Variants in PRR12 observed in about 807,000 individuals in gnomAD.
PRR12 encodes proline-rich protein 12.
A neutral mutation model predicts 138.0 loss-of-function variants in PRR12; 12 were observed. The observed-to-expected ratio is 0.09, with a 90% confidence interval of 0.06 to 0.14. The LOEUF (loss-of-function observed/expected upper bound fraction) is 0.14. Among genes scored for constraint, PRR12 ranks in the 10% least tolerant of loss-of-function variants. The pLI, the probability that PRR12 is intolerant of heterozygous loss-of-function variation, is 1.00. For synonymous variants in PRR12, 1,567 were observed against 1,291.7 expected (o/e 1.21, Z -4.57); for missense variants, 2,692 against 2,861.3 (o/e 0.94, Z 1.35).
intron 6 of PRR12, among the ~76,000 whole-genome samples, chr19:49,602,134 T>C (rs1051191896): frequency 1.3e-5 from 2 of 152,224 alleles, no homozygotes; most frequent in Non-Finnish European, 2.9e-5. Context: ...ATTACCTGTA[T>C]ATAAGGTAAA....
chr19:49,593,997 C>A (rs954707315), intron 2 of PRR12, among the ~76,000 whole-genome samples: 2 of 152,018 alleles, frequency 1.3e-5, no homozygotes, highest in Admixed American at 1.3e-4. Flanking sequence ...CCCTTTTTCC[C>A]TCCCCATCTT....
chr19:49,598,186 G>A (rs567093493), intron 4 of PRR12, among the ~76,000 whole-genome samples, 173 bp downstream of exon 4: 181 of 151,718 alleles, frequency 1.2e-3, no homozygotes, highest in Non-Finnish European at 8.1e-4. Context: ...CCATTCTCCT[G>A]CCTCAGCCTC....
Position 49,594,798 on chromosome 19 carries a change from G to A in PRR12, c.463G>A (p.Ala155Thr). ...TGCCCTGTCGGCTTACCAACACCCG[G>A]CTTCCTTCGGCAGCCGCCCCTTCCC... ...SSALSAYQHP[A>T]SFGSRPFPVP... Residue 155 changes from alanine to threonine, a missense_variant, in exon 4 of 14, where the codon GCT becomes ACT. By Grantham distance (58) the Ala-to-Thr change is moderately conservative. This residue lies in a region of PRR12 where 211 missense variants were observed against 266.3 expected (regional missense o/e 0.79). Coordinates refer to ENST00000418929, the MANE Select transcript of PRR12 (RefSeq NM_020719.3). This position sits in a 1 kb window ranked among gnomAD's most constrained non-coding sequence, Gnocchi z 5.6. The A allele has an allele frequency of 6.2e-7, 1 of 1,612,878 alleles. No homozygotes were observed. The highest frequency in any genetic ancestry group is 8.5e-7 in the Non-Finnish European group (1 of 1,179,696).
chr19:49,598,142 C>G, intron 4 of PRR12, 129 bp downstream of exon 4: 4 of 1,057,652 alleles, frequency 3.8e-6, no homozygotes, highest in Non-Finnish European at 3.6e-6. Context: ...GGCACGATCT[C>G]GGTTCACTGC....
At chr19:49,602,205 T>C (rs2080816309) in intron 6 of PRR12, among the ~76,000 whole-genome samples, 1 of 152,118 alleles carries the variant, frequency 6.6e-6, no homozygotes, top group South Asian at 2.1e-4. Flanking sequence ...GAACCGCTTG[T>C]TAATGTTTAT....
Position 49,601,858 on chromosome 19 carries a change from G to C in PRR12, c.4713G>C (p.Glu1571Asp). The change falls in exon 6 of 14, where the codon GAG becomes GAC. Residue 1571 changes from glutamate to aspartate, a missense_variant. By Grantham distance (45) the Glu-to-Asp change is conservative (BLOSUM62 2). Transcript: ENST00000418929. Reference protein sequence around the residue: ...TDEEAGESGGEGIFRERDEFV... With the variant: ...TDEEAGESGGDGIFRERDEFV... ...AGGAGGCCGGCGAGAGTGGCGGAGA[G>C]GGCATCTTCCGGGAACGGGACGAGT... The C allele has an allele frequency of 6.2e-7, 1 of 1,612,694 alleles. No homozygotes were observed. The highest frequency in any genetic ancestry group is 1.1e-5 in the South Asian group (1 of 91,014).
At position 49,593,391 on chromosome 19, in the gene PRR12, G is replaced by A; in HGVS notation, c.151G>A (p.Ala51Thr). 6.2e-7 allele frequency: 1 copy of A among 1,610,618 alleles called. No individual in the cohort carries two copies. The highest frequency in any genetic ancestry group is 8.5e-7 in the Non-Finnish European group (1 of 1,178,754). Residue 51 changes from alanine to threonine, a missense_variant, in exon 2 of 14, where the codon GCG becomes ACG. By Grantham distance (58) the Ala-to-Thr change is moderately conservative (BLOSUM62 0). Coordinates refer to ENST00000418929, the MANE Select transcript of PRR12 (RefSeq NM_020719.3). Reference sequence around the variant, plus strand: ...GGACATCTTACACCGCCAGGCCTATGCGGCCCCCCACCCACTGCAAAGCTA... The same window carrying A: ...GGACATCTTACACCGCCAGGCCTATACGGCCCCCCACCCACTGCAAAGCTA... ...ETDILHRQAY[A>T]APHPLQSYAT...
chr19:49,594,233 G>A lies in PRR12; in HGVS notation c.200-221G>A, dbSNP rs1161165554. Among the ~76,000 whole-genome samples, 1 of 152,060 alleles carries A rather than the reference G, an allele frequency of 6.6e-6. No homozygotes were observed. Among genetic ancestry groups the A allele is most frequent in the African/African-American group, 2.4e-5 (1 of 41,394 alleles). Reference sequence around the variant, plus strand: ...ACCTGGGCCCCCTGTCCTTATGACTGGATTGCCCCTTGTCTTGCTTTACTG... The same window carrying A: ...ACCTGGGCCCCCTGTCCTTATGACTAGATTGCCCCTTGTCTTGCTTTACTG... On this transcript the variant is annotated intron_variant, in intron 2 of 13. Transcript: ENST00000418929. The surrounding 1 kb of genome is among the most constrained non-coding windows in gnomAD (Gnocchi z 5.6).
In PRR12 at chr19:49,597,891, G is replaced by A. The variant is rs1171823440; in HGVS notation, c.3556G>A (p.Gly1186Arg). The stretch of plus-strand genomic sequence containing the variant: ...CCCCCTGGAGGTCCCGACCACTGCG[G>A]GGCCCGCCTCGGCCTCCACGCCCAC... ...IRPLEVPTTA[G>R]PASASTPTDG... Residue 1186 changes from glycine to arginine, a missense_variant, in exon 4 of 14, where the codon GGG (glycine) becomes AGG (arginine). Physicochemically the swap from Gly to Arg is moderately radical, Grantham distance 125 (BLOSUM62 -2). This residue lies in a region of PRR12 where 326 missense variants were observed against 344.2 expected (regional missense o/e 0.95). Transcript: ENST00000418929. This position sits in a 1 kb window ranked among gnomAD's most constrained non-coding sequence, Gnocchi z 6.3. 1 of 1,427,894 alleles carries A rather than the reference G, an allele frequency of 7.0e-7. No homozygotes were observed. Among genetic ancestry groups the A allele is most frequent in the East Asian group, 2.7e-5 (1 of 37,658 alleles). The allele number at this position is 1,427,894 out of a possible 1,614,324, so 88.5% of individuals were successfully genotyped here. A position where few individuals can be genotyped will look rare whatever the true frequency, so the allele number is the denominator to read the frequency against.
intron 11 of PRR12, among the ~76,000 whole-genome samples, chr19:49,622,867 G>A (rs773733758): frequency 9.0e-5 from 13 of 145,138 alleles, no homozygotes; most frequent in Non-Finnish European, 1.9e-4. Context: ...ACTCCAGCCT[G>A]GGCGACAGAG....
chr19:49,591,834 G>GCATC (rs2080730011), intron 1 of PRR12, 94 bp downstream of exon 1: 2 of 697,460 alleles, frequency 2.9e-6, no homozygotes, highest in African/African-American at 3.8e-5. Flanking sequence ...GGCGACGCGT[G>GCATC]CATCGCAAAC....
chr19:49,624,786 T>G, intron 11 of PRR12, 58 bp from the exon 12 acceptor site: 2 of 1,577,116 alleles, frequency 1.3e-6, no homozygotes, highest in South Asian at 2.3e-5. Context: ...ACCTGGCTGT[T>G]GGGTTTGGGG....
chr19:49,621,512 C>T lies in PRR12; in HGVS notation c.5624-13C>T. The T allele has an allele frequency of 6.3e-7, 1 of 1,584,492 alleles. No homozygotes were observed. The highest frequency in any genetic ancestry group is 8.6e-7 in the Non-Finnish European group (1 of 1,162,960). ...GGCTGTGGCCTTCCTGATACCATGT[C>T]CTCGTCCATCAGACGAGCTGTACCT... On this transcript the variant is annotated splice_polypyrimidine_tract_variant and intron_variant, in intron 10 of 13. Coordinates refer to ENST00000418929, the MANE Select transcript of PRR12 (RefSeq NM_020719.3).
chr19:49,591,508 T>G lies in PRR12; in HGVS notation c.-147T>G. The G allele has an allele frequency of 6.2e-6, 1 of 160,446 alleles. No homozygotes were observed. The highest frequency in any genetic ancestry group is 1.2e-5 in the Non-Finnish European group (1 of 83,646). 9.9% of individuals were successfully genotyped at this position (160,446 alleles called of 1,614,324 possible). Reference sequence around the variant, plus strand: ...CCCCCGCCCGGGGCCTTCCCGGGCCTTCGGCGGCTGCAAAGAAAAAAAGAG... The same window carrying G: ...CCCCCGCCCGGGGCCTTCCCGGGCCGTCGGCGGCTGCAAAGAAAAAAAGAG... On this transcript the variant is annotated 5_prime_UTR_variant, in exon 1 of 14. Transcript: ENST00000418929.
Position 49,596,931 on chromosome 19 carries a change from C to T in PRR12, c.2596C>T (p.Pro866Ser), listed in dbSNP as rs2080775148. Residue 866 changes from proline (P) to serine (S), a missense_variant, in exon 4 of 14, where the codon CCC (proline) becomes TCC (serine). By Grantham distance (74) the Pro-to-Ser change is moderately conservative. Around this residue, in one of 11 missense-constraint regions of PRR12, gnomAD observed 840 missense variants for 689.8 expected, o/e 1.22. Coordinates refer to ENST00000418929, the MANE Select transcript of PRR12 (RefSeq NM_020719.3). This position sits in a 1 kb window ranked among gnomAD's most constrained non-coding sequence, Gnocchi z 5.6. ...SHGLEPAAPS[P>S]RLRPEESLDP... ...TGGCCTGGAGCCCGCGGCCCCCAGCCCCCGCCTGCGACCCGAGGAGAGCCT... is the reference window on the plus strand; with the variant it reads ...TGGCCTGGAGCCCGCGGCCCCCAGCTCCCGCCTGCGACCCGAGGAGAGCCT... 1 of 1,549,172 alleles carries T rather than the reference C, an allele frequency of 6.5e-7. No individual in the cohort carries two copies. Among genetic ancestry groups the T allele is most frequent in the Non-Finnish European group, 8.7e-7 (1 of 1,153,616 alleles).
rs1407224629 is a variant in PRR12 at position 49,597,028 on chromosome 19, G to C, written c.2693G>C (p.Gly898Ala). ...EPLPPAPGDT[G>A]VGPPNSEGKD... ...CTGCCCCCGGCGCCTGGGGATACTG[G>C]CGTAGGCCCACCAAACTCGGAGGGC... The change falls in exon 4 of 14, where the codon GGC (glycine) becomes GCC (alanine). Residue 898 changes from glycine (G) to alanine (A), a missense_variant. By Grantham distance (60) the Gly-to-Ala change is moderately conservative (BLOSUM62 0). This residue lies in a region of PRR12 where 840 missense variants were observed against 689.8 expected (regional missense o/e 1.22). Coordinates refer to ENST00000418929, the MANE Select transcript of PRR12 (RefSeq NM_020719.3). The surrounding 1 kb of genome is among the most constrained non-coding windows in gnomAD (Gnocchi z 6.3). 1 of 1,557,864 alleles carries C rather than the reference G, an allele frequency of 6.4e-7. No individual in the cohort carries two copies. The highest frequency in any genetic ancestry group is 1.4e-5 in the African/African-American group (1 of 73,436).
Position 49,597,207 on chromosome 19 carries a change from G to T in PRR12, c.2872G>T (p.Ala958Ser), listed in dbSNP as rs532664849. 12 of 1,564,272 alleles carry T rather than the reference G, an allele frequency of 7.7e-6. No homozygotes were observed. Among genetic ancestry groups the T allele is most frequent in the Non-Finnish European group, 1.0e-5 (12 of 1,154,628 alleles). Residue 958 changes from alanine to serine, a missense_variant, in exon 4 of 14, where the codon GCC (alanine) becomes TCC (serine). By Grantham distance (99) the Ala-to-Ser change is moderately conservative (BLOSUM62 1). Coordinates refer to ENST00000418929, the MANE Select transcript of PRR12 (RefSeq NM_020719.3). This position sits in a 1 kb window ranked among gnomAD's most constrained non-coding sequence, Gnocchi z 6.3. ...PTMEEMFGGG[A>S]ADDYGKAGPP... The stretch of plus-strand genomic sequence containing the variant: ...CATGGAGGAGATGTTCGGTGGAGGG[G>T]CCGCGGACGACTACGGCAAGGCCGG...
rs777961277 is a variant in PRR12, at chr19:49,614,281, A to G, written c.4774-252A>G. ...TTTTGGGCTTTCACCCCGTAAAGCA[A>G]TAGTGACTCAAACTCTACAGCCTGA... On this transcript the variant is annotated intron_variant, in intron 6 of 13. Transcript: ENST00000418929. The surrounding 1 kb of genome is among the most constrained non-coding windows in gnomAD (Gnocchi z 5.0). Among the ~76,000 whole-genome samples, 2 of 152,202 alleles carry G rather than the reference A, an allele frequency of 1.3e-5. No homozygotes were observed. The highest frequency in any genetic ancestry group is 3.9e-4 in the East Asian group (2 of 5,194).
chr19:49,624,725 A>T, intron 11 of PRR12, 119 bp from the exon 12 acceptor site: 1 of 1,415,630 alleles, frequency 7.1e-7, no homozygotes, highest in Non-Finnish European at 9.4e-7. Flanking sequence ...AGGAGACTCT[A>T]GTTGTCTCTC....
Sources: allele counts gnomAD v4.1 joint callset (sites outside exome capture counted in the v4.1 genomes callset), GRCh38; gene constraint gnomAD v4.1.1; regional missense constraint gnomAD v4.1.1; non-coding constraint Gnocchi (gnomAD v3.1); transcripts MANE v1.5; gene names NCBI Gene and HGNC (gene_info 2026-07-23, HGNC 2026-07-21).